Variants in IMMP2L observed in about 807,000 individuals in gnomAD.
The protein encoded by IMMP2L is mitochondrial inner membrane protease subunit 2.
A neutral mutation model predicts 19.3 loss-of-function variants in IMMP2L; 18 were observed. The observed-to-expected ratio is 0.93, with a 90% confidence interval of 0.64 to 1.38. The LOEUF is 1.38. IMMP2L is among the 40% of genes most tolerant of loss of function. The pLI, the probability that IMMP2L is intolerant of heterozygous loss-of-function variation, is 0.00. For missense variants in IMMP2L, 233 were observed against 218.2 expected, an observed-to-expected ratio of 1.07 and a Z score of -0.43; for synonymous variants, 76 against 73.0, an observed-to-expected ratio of 1.04 and a Z score of -0.21.
In IMMP2L at chr7:111,430,317, G is replaced by A. The variant is rs571980703; in HGVS notation, c.239+56921C>T. ...AAATATGTCTGACAACTACAGCTATGGAATCTAAAAGTAACAGAATATTAT... is the reference window on the plus strand; with the variant it reads ...AAATATGTCTGACAACTACAGCTATAGAATCTAAAAGTAACAGAATATTAT... On this transcript the variant is annotated intron_variant, in intron 3 of 5. Transcript: ENST00000405709. 1.2e-4 allele frequency among the ~76,000 whole-genome samples: 18 copies of A among 151,178 alleles called. No individual in the cohort carries two copies. In the South Asian group the frequency reaches 3.5e-3, roughly 30 times the overall value.
chr7:110,830,014 A>G (rs111453901), intron 5 of IMMP2L, among the ~76,000 whole-genome samples: 1 of 152,144 alleles, frequency 6.6e-6, no homozygotes, highest in Non-Finnish European at 1.5e-5. Flanking sequence ...GAGGATACCA[A>G]TGAGGGAACA....
At chr7:111,354,210 A>G (rs1272942259) in intron 3 of IMMP2L, among the ~76,000 whole-genome samples, 1 of 152,064 alleles carries the variant, frequency 6.6e-6, no homozygotes, top group African/African-American at 2.4e-5. Context: ...CTGAATAGTT[A>G]AAAATATGAC....
chr7:111,262,507 T>A lies in IMMP2L; in HGVS notation c.239+224731A>T, dbSNP rs551442914. On this transcript the variant is annotated intron_variant, in intron 3 of 5. Transcript: ENST00000405709. ...GGAGTGGGGGTTGAAGAGAAGGCAG[T>A]TGACTATGTCTACACCCCTTGTCCT... Among the ~76,000 whole-genome samples the A allele has an allele frequency of 5.3e-5, 8 of 152,194 alleles. No individual in the cohort carries two copies. The East Asian group carries it at 1.5e-3, about 29-fold the overall frequency.
intron 5 of IMMP2L, among the ~76,000 whole-genome samples, chr7:110,810,647 A>T (rs568381971): frequency 6.6e-6 from 1 of 152,146 alleles, no homozygotes; most frequent in African/African-American, 2.4e-5. Flanking sequence ...TAGAGTTCCG[A>T]TAATGGAACA....
intron 3 of IMMP2L, among the ~76,000 whole-genome samples, chr7:111,357,482 T>C (rs1410523947): frequency 2.0e-5 from 3 of 152,136 alleles, no homozygotes; most frequent in African/African-American, 4.8e-5. Context: ...GTTAAAACCA[T>C]GCTAATTTAC....
chr7:111,324,704 T>C (rs1405649044), intron 3 of IMMP2L, among the ~76,000 whole-genome samples: 2 of 151,838 alleles, frequency 1.3e-5, no homozygotes, highest in African/African-American at 4.8e-5. Context: ...AAATAAATTA[T>C]AGCTAAAAAA....
chr7:111,503,624 G>A (rs916190144), intron 2 of IMMP2L, among the ~76,000 whole-genome samples: 8 of 152,102 alleles, frequency 5.3e-5, no homozygotes, highest in Non-Finnish European at 1.2e-4. Context: ...TTTCCACCAT[G>A]ATCAAGTGGG....
At chr7:111,145,717 T>C (rs1193475757) in intron 3 of IMMP2L, among the ~76,000 whole-genome samples, 1 of 152,042 alleles carries the variant, frequency 6.6e-6, no homozygotes, top group African/African-American at 2.4e-5. Flanking sequence ...ACTTAAGTAA[T>C]ACTAAGGGAC....
chr7:111,193,006 T>TG (rs1809063586), intron 3 of IMMP2L, among the ~76,000 whole-genome samples: 1 of 151,916 alleles, frequency 6.6e-6, no homozygotes, highest in Non-Finnish European at 1.5e-5. Context: ...CTCTGGATGA[T>TG]CCCAGCAGAA....
intron 5 of IMMP2L, among the ~76,000 whole-genome samples, chr7:110,793,980 AG>A (rs1800670112): frequency 1.3e-5 from 2 of 152,154 alleles, no homozygotes; most frequent in Non-Finnish European, 2.9e-5. Context: ...CTATTGGAAT[AG>A]CAAAAAGCTG....
At position 110,864,032 on chromosome 7, in the gene IMMP2L, G is replaced by A. The variant is rs929910586; in HGVS notation, c.408+22561C>T. Among the ~76,000 whole-genome samples, 6 of 151,974 alleles carry A rather than the reference G, an allele frequency of 3.9e-5. No individual in the cohort carries two copies. In the South Asian group the frequency reaches 8.3e-4, roughly 21 times the overall value. On this transcript the variant is annotated intron_variant, in intron 5 of 5. Coordinates refer to ENST00000405709, the MANE Select transcript of IMMP2L (RefSeq NM_032549.4). ...ATAGAAACAATACATTCTACCCCACGTAACACATATTTAGAAAAAGATAGT... is the reference window on the plus strand; with the variant it reads ...ATAGAAACAATACATTCTACCCCACATAACACATATTTAGAAAAAGATAGT...
intron 3 of IMMP2L, among the ~76,000 whole-genome samples, chr7:111,175,336 G>C (rs955817419): frequency 6.6e-6 from 1 of 151,756 alleles, no homozygotes; most frequent in Non-Finnish European, 1.5e-5. Flanking sequence ...GCTCACTGAA[G>C]TTCAATGAGA....
intron 5 of IMMP2L, among the ~76,000 whole-genome samples, chr7:110,716,403 T>C (rs149873077): frequency 1.1e-3 from 169 of 152,220 alleles, no homozygotes; most frequent in African/African-American, 3.9e-3. Context: ...CTGAGGGCTA[T>C]GTACGTAAGT....
At chr7:111,301,999 C>G (rs114454759) in intron 3 of IMMP2L, among the ~76,000 whole-genome samples, 2,913 of 146,710 alleles carry the variant, frequency 0.02, 100 homozygotes, top group African/African-American at 0.069. Context: ...GACTCCTTAT[C>G]CAGGCTCACA....
At position 111,055,878 on chromosome 7, in the gene IMMP2L, C is replaced by T. The variant is rs550515418; in HGVS notation, c.240-92313G>A. ...ATGTGCTAAATTCTAGTAGCTAATA[C>T]GCACCATGCCAATACCAGAAATTTA... On this transcript the variant is annotated intron_variant, in intron 3 of 5. Transcript: ENST00000405709. Among the ~76,000 whole-genome samples, 8 of 152,282 alleles carry T rather than the reference C, an allele frequency of 5.3e-5. No homozygotes were observed. In the South Asian group the frequency reaches 1.4e-3, roughly 28 times the overall value.
Position 111,193,196 on chromosome 7 carries a change from G to A in IMMP2L, c.240-229631C>T, listed in dbSNP as rs1188505803. On this transcript the variant is annotated intron_variant, in intron 3 of 5. Transcript: ENST00000405709. ...AAGTATGTGGAGATGTAGCCTCTTT[G>A]AGGACTAATGGGAAGAAATTAAAAT... Among the ~76,000 whole-genome samples the A allele has an allele frequency of 2.0e-5, 3 of 152,114 alleles. No individual in the cohort carries two copies. The East Asian group carries it at 5.8e-4, about 29-fold the overall frequency.
At chr7:111,423,733 A>G (rs1835808551) in intron 3 of IMMP2L, among the ~76,000 whole-genome samples, 1 of 151,834 alleles carries the variant, frequency 6.6e-6, no homozygotes, top group African/African-American at 2.4e-5. Flanking sequence ...ACACTCTAAC[A>G]TCACAATTAA....
rs1824436018 is a variant in IMMP2L, at chr7:111,319,349, T to C, written c.239+167889A>G. Reference sequence around the variant, plus strand: ...CAGGAAGTAGAATATCCTTCTACACTAATGTGCTACATATTATAGATTTCT... The same window carrying C: ...CAGGAAGTAGAATATCCTTCTACACCAATGTGCTACATATTATAGATTTCT... On this transcript the variant is annotated intron_variant, in intron 3 of 5. Coordinates refer to ENST00000405709, the MANE Select transcript of IMMP2L (RefSeq NM_032549.4). Among the ~76,000 whole-genome samples the C allele has an allele frequency of 4.6e-5, 7 of 152,126 alleles. No individual in the cohort carries two copies. The South Asian group carries it at 1.4e-3, about 31-fold the overall frequency.
At chr7:111,119,977 C>T (rs1274308231) in intron 3 of IMMP2L, among the ~76,000 whole-genome samples, 3 of 152,094 alleles carry the variant, frequency 2.0e-5, no homozygotes, top group Non-Finnish European at 4.4e-5. Context: ...TTTGAAAAGA[C>T]AGTAAAACAT....
Sources: gnomAD v4.1 joint callset for allele counts (sites outside exome capture counted in the v4.1 genomes callset) on GRCh38, gnomAD v4.1.1 for gene constraint, MANE v1.5 for transcripts, NCBI Gene and HGNC (gene_info 2026-07-23, HGNC 2026-07-21) for gene names.